The following FER1L5 variants were observed in gnomAD, a reference collection of about 807,000 sequenced individuals.
The protein encoded by FER1L5 is fer-1 like family member 5, also known as fer-1-like protein 5.
In FER1L5, 187 loss-of-function variants were observed where a neutral mutation model predicts 279.9. The ratio of observed to expected loss-of-function variants is 0.67; its 90% CI spans 0.59 to 0.75. The LOEUF (loss-of-function observed/expected upper bound fraction) is 0.75. Ranked by LOEUF, FER1L5 falls within the 30% of genes least tolerant of loss-of-function variation. The probability of loss-of-function intolerance (pLI) is 0.00; values close to 1 mark genes in which losing one functional copy is unlikely to be tolerated. For missense variants in FER1L5, 2,091 were observed against 2,594.4 expected, an observed-to-expected ratio of 0.81 and a Z score of 4.21; for synonymous variants, 921 against 989.7, an observed-to-expected ratio of 0.93 and a Z score of 1.30.
intron 42 of FER1L5, 27 bp downstream of exon 42, chr2:96,699,163 C>A: frequency 6.3e-7 from 1 of 1,582,472 alleles, no homozygotes; most frequent in East Asian, 2.3e-5. Context: ...CCCAAGACCC[C>A]TTCTCCACTC....
rs778853167 is a variant in FER1L5 at position 96,647,841 on chromosome 2, T to A, written c.294T>A (p.Phe98Leu). The A allele has an allele frequency of 1.9e-6, 3 of 1,551,826 alleles. No individual in the cohort carries two copies. The South Asian group carries it at 3.6e-5, about 18-fold the overall frequency. ...TGAAACAACCAAGTGAGGTCCTTTT[T>A]GTGAAGGACTTGACCCTGCTCAACC... is the stretch of plus-strand genomic sequence containing the variant. ...PLLKQPSEVL[F>L]VKDLTLLNHS... The change falls in exon 4 of 53, where the codon TTT (phenylalanine) becomes TTA (leucine). Residue 98 changes from phenylalanine (F) to leucine (L), a missense_variant. Transcript: ENST00000624922.
chr2:96,701,999 G>T lies in FER1L5; in HGVS notation c.5115G>T (p.Gly1705=), dbSNP rs2077603241. 5 of 1,614,000 alleles carry T rather than the reference G, an allele frequency of 3.1e-6. No homozygotes were observed. Among genetic ancestry groups the T allele is most frequent in the Non-Finnish European group, 4.2e-6 (5 of 1,179,884 alleles). The change falls in exon 46 of 53, where the codon GGG becomes GGT. Residue 1705 remains glycine (G), a synonymous_variant. Transcript: ENST00000624922. ...TGGACATCTTCCCCAAGAAGCTGGG[G>T]CCTCCTGGCCCCCAAGTCAACATCA... ...MWVDIFPKKL[G]PPGPQVNINP... is the part of the protein sequence containing the mutation.
Position 96,673,082 on chromosome 2 carries a change from C to T in FER1L5, c.1497C>T (p.His499=). ...GGGGGCGGTTATTGTTTCAGAAGCA[C>T]CAGAACCGCCAAAAGTATGGGCTGT... ...LSHEVTRIEK[H]QNRQKYGLCV... The change falls in exon 19 of 53, where the codon CAC becomes CAT. Residue 499 remains histidine (H), a synonymous_variant. Coordinates refer to ENST00000624922, the MANE Select transcript of FER1L5 (RefSeq NM_001293083.2). 1 of 1,551,118 alleles carries T rather than the reference C, an allele frequency of 6.4e-7. No homozygotes were observed. The highest frequency in any genetic ancestry group is 8.7e-7 in the Non-Finnish European group (1 of 1,146,700).
intron 26 of FER1L5, 116 bp from the exon 27 acceptor site, chr2:96,690,371 G>A (rs2077094121): frequency 2.3e-6 from 2 of 860,682 alleles, no homozygotes; most frequent in Non-Finnish European, 3.7e-6. Context: ...AGTCTGGCCT[G>A]GAGTGGGAGG....
Position 96,699,548 on chromosome 2 carries a change from A to G in FER1L5, c.4611-2A>G, listed in dbSNP as rs771664874. The G allele has an allele frequency of 6.2e-7, 1 of 1,613,094 alleles. No homozygotes were observed. The highest frequency in any genetic ancestry group is 1.1e-5 in the South Asian group (1 of 90,996). Reference sequence around the variant, plus strand: ...CTGCAGTCTCCAACACCTCACCCCTAGGATGTTTGAACTCACCTGCAACAT... The same window carrying G: ...CTGCAGTCTCCAACACCTCACCCCTGGGATGTTTGAACTCACCTGCAACAT... On this transcript the variant is annotated splice_acceptor_variant, in intron 42 of 52. Transcript: ENST00000624922. LOFTEE classifies it high-confidence loss of function.
At chr2:96,647,336 G>A (rs562400052) in intron 3 of FER1L5, among the ~76,000 whole-genome samples, 181 bp downstream of exon 3, 11 of 152,272 alleles carry the variant, frequency 7.2e-5, no homozygotes, top group Middle Eastern at 3.4e-3. Flanking sequence ...CAAATCAGCT[G>A]GGACAGGAAC....
At position 96,685,920 on chromosome 2, in the gene FER1L5, C is replaced by A. The variant is rs1462398838; in HGVS notation, c.1896-20C>A. The A allele has an allele frequency of 2.0e-6, 3 of 1,508,594 alleles. No individual in the cohort carries two copies. The highest frequency in any genetic ancestry group is 2.6e-5 in the South Asian group (2 of 76,100). 93.5% of individuals were successfully genotyped at this position (1,508,594 alleles called of 1,614,324 possible). ...AGGCAGTAGAGAGGTCCAGCCCCTG[C>A]TACCCTGTCCTGGCCACAGGCGCCC... On this transcript the variant is annotated intron_variant, in intron 21 of 52. Transcript: ENST00000624922.
In FER1L5 at chr2:96,691,559, G is replaced by A. The variant is rs770458626; in HGVS notation, c.3022G>A (p.Ala1008Thr). 25 of 1,548,768 alleles carry A rather than the reference G, an allele frequency of 1.6e-5. No individual in the cohort carries two copies. Among genetic ancestry groups the A allele is most frequent in the Non-Finnish European group, 2.2e-5 (25 of 1,145,992 alleles). Residue 1008 changes from alanine (A) to threonine (T), a missense_variant, in exon 29 of 53, where the codon GCC becomes ACC. By Grantham distance (58) the Ala-to-Thr change is moderately conservative. Coordinates refer to ENST00000624922, the MANE Select transcript of FER1L5 (RefSeq NM_001293083.2). The surrounding 1 kb of genome is among the most constrained non-coding windows in gnomAD (Gnocchi z 6.0). ...CCGCCGCTGCTGGCGCCGCAGGCTG[G>A]CCCCCAACAAGGACAAGGGCATCGC... Reference protein sequence around the residue: ...FRRRCWRRRLAPNKDKGIAPI... With the variant: ...FRRRCWRRRLTPNKDKGIAPI...
At chr2:96,681,485 C>T (rs1355310101) in intron 19 of FER1L5, among the ~76,000 whole-genome samples, 2 of 152,130 alleles carry the variant, frequency 1.3e-5, no homozygotes, top group Admixed American at 6.5e-5. Context: ...TCAGAGAATG[C>T]CTACGAAGTT....
At chr2:96,651,239 CTTT>C (rs1558839934) in intron 6 of FER1L5, among the ~76,000 whole-genome samples, 2 of 24,100 alleles carry the variant, frequency 8.3e-5, no homozygotes, top group East Asian at 6.3e-4. Context: ...CTTTCTTTCT[CTTT>C]CTTTCTTTCT....
rs962826541 is a variant in FER1L5, at chr2:96,670,332, T to C, written c.1491+85T>C. On this transcript the variant is annotated intron_variant, in intron 18 of 52. Transcript: ENST00000624922. Reference sequence around the variant, plus strand: ...CTGTGGATCCCAGTTTCTGACCGTGTAGAGAGGCCCTGGCCACTGGCTGTT... The same window carrying C: ...CTGTGGATCCCAGTTTCTGACCGTGCAGAGAGGCCCTGGCCACTGGCTGTT... The C allele has an allele frequency of 2.3e-5, 35 of 1,511,580 alleles. No individual in the cohort carries two copies. The African/African-American group carries it at 3.3e-4, about 14-fold the overall frequency. 93.6% of individuals were successfully genotyped at this position (1,511,580 alleles called of 1,614,324 possible). A position where few individuals can be genotyped will look rare whatever the true frequency, so the allele number is the denominator to read the frequency against.
chr2:96,685,513 A>G (rs1428377563), intron 21 of FER1L5, 84 bp downstream of exon 21: 1 of 1,148,888 alleles, frequency 8.7e-7, no homozygotes, highest in African/African-American at 1.6e-5. Flanking sequence ...TGCCCTGAAC[A>G]CCTCCCCCCG....
At chr2:96,663,779 ACACCTGTAATCCCAG>A (rs1466027185) in intron 14 of FER1L5, among the ~76,000 whole-genome samples, 2 of 152,208 alleles carry the variant, frequency 1.3e-5, no homozygotes, top group Non-Finnish European at 2.9e-5. Flanking sequence ...ACGGTGGCTT[ACACCTGTAATCCCAG>A]CACTTTCGGA....
chr2:96,693,772 A>G, intron 32 of FER1L5, 85 bp downstream of exon 32: 2 of 1,491,120 alleles, frequency 1.3e-6, no homozygotes, highest in South Asian at 1.3e-5. Context: ...AAATGTATGG[A>G]AAGTGCTCCC....
rs546385461 is a variant in FER1L5 at position 96,688,465 on chromosome 2, T to TGGGC, written c.2361+525_2361+528dup. Among the ~76,000 whole-genome samples, 99 of 151,082 alleles carry TGGGC rather than the reference T, an allele frequency of 6.6e-4. No individual in the cohort carries two copies. In the East Asian group the frequency reaches 0.015, roughly 22 times the overall value. On this transcript the variant is annotated intron_variant, in intron 24 of 52. Coordinates refer to ENST00000624922, the MANE Select transcript of FER1L5 (RefSeq NM_001293083.2). ...CCCACAGAACCATCAACCTGGGGAG[T>TGGGC]GGGCGGGCGGTGGCCAGGGACTGCT... is the stretch of plus-strand genomic sequence containing the variant.
At chr2:96,699,471 G>C in intron 42 of FER1L5, 79 bp from the exon 43 acceptor site, 1 of 1,485,892 alleles carries the variant, frequency 6.7e-7, no homozygotes, top group Non-Finnish European at 9.2e-7. Context: ...AGGGGCCTAC[G>C]GGGCCGAGAC....
chr2:96,658,463 C>T (rs1005846256), intron 9 of FER1L5, among the ~76,000 whole-genome samples: 16 of 151,220 alleles, frequency 1.1e-4, no homozygotes, highest in Non-Finnish European at 2.2e-4. Flanking sequence ...ATTACAGGTG[C>T]ACGCCACCAT....
chr2:96,651,963 C>A lies in FER1L5; in HGVS notation c.576C>A (p.Ile192=), dbSNP rs1336277591. Residue 192 remains isoleucine, a synonymous_variant, in exon 7 of 53, where the codon ATC becomes ATA. Transcript: ENST00000624922. The part of the protein sequence containing the change: ...NNIKPVVKVS[I]AGQQHQTRIK... Reference sequence around the variant, plus strand: ...TCAAACCAGTGGTGAAGGTGTCCATCGCAGGCCAGCAGCACCAGACACGCA... The same window carrying A: ...TCAAACCAGTGGTGAAGGTGTCCATAGCAGGCCAGCAGCACCAGACACGCA... 2.6e-6 allele frequency: 4 copies of A among 1,551,938 alleles called. No homozygotes were observed. In the African/African-American group the frequency reaches 5.5e-5, roughly 21 times the overall value.
In FER1L5 at chr2:96,670,108, G is replaced by A. The variant is rs909939025; in HGVS notation, c.1363-11G>A. The A allele has an allele frequency of 3.4e-5, 53 of 1,551,220 alleles. No homozygotes were observed. The highest frequency in any genetic ancestry group is 4.3e-5 in the Non-Finnish European group (49 of 1,146,876). On this transcript the variant is annotated splice_polypyrimidine_tract_variant and intron_variant, in intron 17 of 52. Coordinates refer to ENST00000624922, the MANE Select transcript of FER1L5 (RefSeq NM_001293083.2). ...CACCCCTTTTCTCCGTTTTCCTCTC[G>A]CTTGCCCTAGTGTATTCCCGACTCT...
Sources: allele counts gnomAD v4.1 joint callset (sites outside exome capture counted in the v4.1 genomes callset), GRCh38; gene constraint gnomAD v4.1.1; non-coding constraint Gnocchi (gnomAD v3.1); transcripts MANE v1.5; gene names NCBI Gene and HGNC (gene_info 2026-07-23, HGNC 2026-07-21).